The following TIAM1 variants were observed in gnomAD, a reference collection of about 807,000 sequenced individuals.
TIAM1 encodes rho guanine nucleotide exchange factor TIAM1.
A neutral mutation model predicts 163.5 loss-of-function variants in TIAM1; 65 were observed. That is an observed-to-expected ratio of 0.40 (90% CI 0.33 to 0.49). The LOEUF is 0.49. Ranked by LOEUF, TIAM1 falls within the 20% of genes least tolerant of loss-of-function variation. The pLI, the probability that TIAM1 is intolerant of heterozygous loss-of-function variation, is 0.77. For synonymous variants in TIAM1, 833 were observed against 810.1 expected (o/e 1.03, Z -0.48); for missense variants, 1,789 against 2,044.7 (o/e 0.87, Z 2.41).
At chr21:31,129,496 T>C (rs959808976) in intron 25 of TIAM1, among the ~76,000 whole-genome samples, 3 of 152,108 alleles carry the variant, frequency 2.0e-5, no homozygotes, top group Non-Finnish European at 2.9e-5. Context: ...CTGGGCAAAA[T>C]AGCAAAACCC....
intron 10 of TIAM1, among the ~76,000 whole-genome samples, chr21:31,210,889 A>G (rs568388088): frequency 7.2e-5 from 11 of 152,270 alleles, no homozygotes; most frequent in African/African-American, 2.6e-4. Context: ...GGGAATTCCT[A>G]CAACAAGCAC....
chr21:31,327,791 G>C (rs1305295374), intron 2 of TIAM1, among the ~76,000 whole-genome samples: 3 of 151,830 alleles, frequency 2.0e-5, no homozygotes, highest in African/African-American at 7.3e-5. Context: ...AAGTCTAATC[G>C]ATGCCCAAAC....
intron 2 of TIAM1, among the ~76,000 whole-genome samples, chr21:31,278,823 A>T (rs527574237): frequency 6.6e-6 from 1 of 152,244 alleles, no homozygotes; most frequent in South Asian, 2.1e-4. Context: ...TTCCCTGGGC[A>T]TCCTCCTTAA....
At chr21:31,422,318 C>T (rs1352015644) in intron 2 of TIAM1, among the ~76,000 whole-genome samples, 1 of 152,124 alleles carries the variant, frequency 6.6e-6, no homozygotes, top group African/African-American at 2.4e-5. Context: ...ATGGAAGATA[C>T]TCCTGAAGAA....
At chr21:31,549,349 T>C (rs1268519542) in intron 1 of TIAM1, among the ~76,000 whole-genome samples, 2 of 152,264 alleles carry the variant, frequency 1.3e-5, no homozygotes, top group East Asian at 1.9e-4. Flanking sequence ...TAAAAATAAA[T>C]ATGCATAGGG....
intron 2 of TIAM1, among the ~76,000 whole-genome samples, chr21:31,328,440 G>A (rs902488946): frequency 2.6e-5 from 4 of 151,972 alleles, no homozygotes; most frequent in Non-Finnish European, 5.9e-5. Context: ...GCACAATCAC[G>A]GCTCACTGCA....
intron 4 of TIAM1, among the ~76,000 whole-genome samples, chr21:31,258,013 C>A (rs1481811586): frequency 6.6e-6 from 1 of 151,178 alleles, no homozygotes; most frequent in African/African-American, 2.4e-5. Flanking sequence ...CCTTCCAAGT[C>A]CCTATCCAGG....
At chr21:31,142,008 G>A (rs1180246188) in intron 20 of TIAM1, among the ~76,000 whole-genome samples, 1 of 152,076 alleles carries the variant, frequency 6.6e-6, no homozygotes, top group East Asian at 1.9e-4. Flanking sequence ...TCAGGGTGGG[G>A]AGCACACATC....
chr21:31,419,512 T>C, intron 2 of TIAM1, among the ~76,000 whole-genome samples: 1 of 152,190 alleles, frequency 6.6e-6, no homozygotes, highest in South Asian at 2.1e-4. Context: ...TTAATACTAG[T>C]ATGTCCAGAC....
intron 26 of TIAM1, 44 bp from the exon 27 acceptor site, chr21:31,124,738 C>A: frequency 6.7e-7 from 1 of 1,488,556 alleles, no homozygotes; most frequent in Non-Finnish European, 9.0e-7. Context: ...CAGGGCTTAA[C>A]ACATGGGGAA....
intron 2 of TIAM1, chr21:31,452,536 G>T: frequency 1.7e-6 from 1 of 600,686 alleles, no homozygotes; most frequent in East Asian, 3.4e-5. Flanking sequence ...GGACTCTGGG[G>T]TGTTCTCCGA....
intron 2 of TIAM1, among the ~76,000 whole-genome samples, chr21:31,366,056 C>T (rs2076500234): frequency 7.5e-6 from 1 of 133,890 alleles, no homozygotes; most frequent in South Asian, 2.4e-4. Context: ...CACTGCACTC[C>T]AGCCTGGAGA....
At chr21:31,144,505 C>T (rs2083012664) in intron 20 of TIAM1, among the ~76,000 whole-genome samples, 1 of 152,148 alleles carries the variant, frequency 6.6e-6, no homozygotes, top group African/African-American at 2.4e-5. Flanking sequence ...CAGAGTTATC[C>T]TGACACTCTG....
At chr21:31,412,716 A>C (rs1178326274) in intron 2 of TIAM1, among the ~76,000 whole-genome samples, 1 of 140,422 alleles carries the variant, frequency 7.1e-6, no homozygotes, top group East Asian at 2.2e-4. Context: ...TGGGAGGGAG[A>C]GGTTGCAGTG....
intron 2 of TIAM1, among the ~76,000 whole-genome samples, chr21:31,313,076 A>G (rs1187801208): frequency 1.3e-5 from 2 of 152,188 alleles, no homozygotes; most frequent in Non-Finnish European, 2.9e-5. Flanking sequence ...TGTCCAATAT[A>G]TTATTTAATA....
intron 1 of TIAM1, among the ~76,000 whole-genome samples, chr21:31,464,565 G>A (rs1390551167): frequency 1.3e-5 from 2 of 151,852 alleles, no homozygotes; most frequent in East Asian, 1.9e-4. Context: ...AATACAGGCC[G>A]GGTGCGGTGG....
In TIAM1 at chr21:31,491,702, C is replaced by T. The variant is rs2409408; in HGVS notation, c.-421-27667G>A. On this transcript the variant is annotated intron_variant, in intron 1 of 28. Transcript: ENST00000286827. ...AGGATTCAAAAGCTCTCTTTGCTTT[C>T]GCAATTTATAGACTACCCACTGCTA... is the stretch of plus-strand genomic sequence containing the variant. 5.8e-3 allele frequency among the ~76,000 whole-genome samples: 883 copies of T among 152,312 alleles called. 9 individuals are homozygous for T. Among genetic ancestry groups the T allele is most frequent in the Middle Eastern group, 0.02 (6 of 294 alleles).
At chr21:31,526,879 T>C (rs1344526177) in intron 1 of TIAM1, among the ~76,000 whole-genome samples, 2 of 152,088 alleles carry the variant, frequency 1.3e-5, no homozygotes, top group Admixed American at 1.3e-4. Context: ...TTTTGGTATT[T>C]TTAGTAGAGA....
chr21:31,184,313 C>A (rs779433853), intron 14 of TIAM1, among the ~76,000 whole-genome samples: 38 of 152,310 alleles, frequency 2.5e-4, no homozygotes, highest in Non-Finnish European at 4.9e-4. Flanking sequence ...ACCATGTTAG[C>A]CAGGCTGGTC....
Sources: allele counts gnomAD v4.1 joint callset (sites outside exome capture counted in the v4.1 genomes callset), GRCh38; gene constraint gnomAD v4.1.1; transcripts MANE v1.5; gene names NCBI Gene and HGNC (gene_info 2026-07-23, HGNC 2026-07-21).